Variants in AGTPBP1 observed in about 807,000 individuals in gnomAD.
AGTPBP1 encodes the protein cytosolic carboxypeptidase 1.
AGTPBP1 carries 70 observed loss-of-function variants against 143.9 expected under a neutral mutation model. That is an observed-to-expected ratio of 0.49 (90% CI 0.40 to 0.59). AGTPBP1 has a LOEUF of 0.59. Among genes scored for constraint, AGTPBP1 ranks in the 20% least tolerant of loss-of-function variants. AGTPBP1 has a pLI of 0.00. For synonymous variants in AGTPBP1, 463 were observed against 500.2 expected (o/e 0.93, Z 0.99); for missense variants, 1,229 against 1,464.5 (o/e 0.84, Z 2.62).
chr9:85,801,426 AGGG>A, the AGTPBP1 span, among the ~76,000 whole-genome samples: 2 of 152,210 alleles, frequency 1.3e-5, no homozygotes, highest in Non-Finnish European at 2.9e-5. Context: ...CATGTAAAAC[AGGG>A]TATCTAGCTC....
chr9:85,697,501 G>T, intron 2 of AGTPBP1, among the ~76,000 whole-genome samples: 2 of 121,792 alleles, frequency 1.6e-5, no homozygotes, highest in Admixed American at 1.1e-4. Context: ...CGCCCAGGCT[G>T]GAGTGCAGTG....
chr9:85,575,533 G>C, intron 24 of AGTPBP1, 58 bp from the exon 25 acceptor site: 2 of 1,385,804 alleles, frequency 1.4e-6, no homozygotes, highest in Non-Finnish European at 1.9e-6. Flanking sequence ...TCTGGATACA[G>C]CTCAATGAAA....
chr9:85,787,691 C>T, the AGTPBP1 span, among the ~76,000 whole-genome samples: 1 of 152,066 alleles, frequency 6.6e-6, no homozygotes. Flanking sequence ...ATTGTAATGA[C>T]CTGAGGAATT....
At chr9:85,739,511 C>A (rs1358328441) in intron 1 of AGTPBP1, among the ~76,000 whole-genome samples, 1 of 151,978 alleles carries the variant, frequency 6.6e-6, no homozygotes, top group Non-Finnish European at 1.5e-5. Context: ...GAGTTCAAGA[C>A]GAGCTTGGGT....
At chr9:85,654,656 A>C (rs1833380121) in intron 11 of AGTPBP1, among the ~76,000 whole-genome samples, 1 of 152,270 alleles carries the variant, frequency 6.6e-6, no homozygotes, top group Middle Eastern at 3.4e-3. Context: ...CAGACTGGCC[A>C]ACATGGCGAA....
chr9:85,547,760 A>T (rs886387450), intron 25 of AGTPBP1, among the ~76,000 whole-genome samples: 2 of 152,228 alleles, frequency 1.3e-5, no homozygotes, highest in African/African-American at 2.4e-5. Flanking sequence ...CCATAAAAAC[A>T]GCCCATATAC....
chr9:85,654,471 T>A (rs1833367134), intron 11 of AGTPBP1, among the ~76,000 whole-genome samples: 1 of 152,082 alleles, frequency 6.6e-6, no homozygotes, highest in Admixed American at 6.6e-5. Context: ...AGAAAAAAAA[T>A]CACTGAAAAG....
chr9:85,611,668 T>A (rs1200299379), intron 17 of AGTPBP1, among the ~76,000 whole-genome samples: 1 of 152,160 alleles, frequency 6.6e-6, no homozygotes, highest in East Asian at 1.9e-4. Flanking sequence ...AATAGATGTA[T>A]AATATTAAAT....
intron 23 of AGTPBP1, among the ~76,000 whole-genome samples, chr9:85,580,237 C>CA (rs1239351591): frequency 0.027 from 2,399 of 88,304 alleles, 60 homozygotes; most frequent in South Asian, 0.1. Flanking sequence ...AACTCCATCT[C>CA]AAAAAAAAAA....
intron 3 of AGTPBP1, among the ~76,000 whole-genome samples, chr9:85,687,523 C>T (rs1179771698): frequency 6.6e-6 from 1 of 151,834 alleles, no homozygotes; most frequent in Non-Finnish European, 1.5e-5. Flanking sequence ...AGTATATTCT[C>T]CAGCCAAAAG....
chr9:85,734,385 C>T (rs1026834090), intron 1 of AGTPBP1, among the ~76,000 whole-genome samples: 4 of 150,594 alleles, frequency 2.7e-5, no homozygotes, highest in African/African-American at 7.3e-5. Context: ...GAAGAAGGAA[C>T]GCTTCCTACC....
chr9:85,710,853 T>C (rs1279494381), intron 2 of AGTPBP1, among the ~76,000 whole-genome samples: 1 of 152,182 alleles, frequency 6.6e-6, no homozygotes, highest in East Asian at 1.9e-4. Flanking sequence ...AGAAATAGCA[T>C]TATTTGTTTG....
intron 23 of AGTPBP1, among the ~76,000 whole-genome samples, chr9:85,582,425 C>A (rs1239457625): frequency 2.6e-5 from 4 of 152,092 alleles, no homozygotes; most frequent in African/African-American, 9.7e-5. Context: ...ACCCATAATT[C>A]CAGTACTTTG....
At chr9:85,747,114 C>T in the AGTPBP1 span, among the ~76,000 whole-genome samples, 1 of 152,162 alleles carries the variant, frequency 6.6e-6, no homozygotes, top group African/African-American at 2.4e-5. Context: ...GTCTTGGCCT[C>T]CCAAAGTATT....
rs930974948 is a variant in AGTPBP1, at chr9:85,727,198, G to A, written c.-34+14577C>T. 2.6e-5 allele frequency among the ~76,000 whole-genome samples: 4 copies of A among 152,024 alleles called. 1 individual carries two copies. The highest frequency in any genetic ancestry group is 1.9e-4 in the East Asian group (1 of 5,180). Reference sequence around the variant, plus strand: ...AAAAATCAGCCGGGCATGGTGGCACGCACCTGTAATCCCAGCTACTCGGGA... The same window carrying A: ...AAAAATCAGCCGGGCATGGTGGCACACACCTGTAATCCCAGCTACTCGGGA... On this transcript the variant is annotated intron_variant, in intron 1 of 25. Coordinates refer to ENST00000357081, the MANE Select transcript of AGTPBP1 (RefSeq NM_001330701.2).
the AGTPBP1 span, chr9:85,756,050 A>AT: frequency 1.1e-3 from 1,492 of 1,389,148 alleles, no homozygotes; most frequent in South Asian, 1.9e-3. Flanking sequence ...AAAACAAGTA[A>AT]TTTTTTTTTT....
At chr9:85,620,399 C>G (rs1587752444) in intron 15 of AGTPBP1, among the ~76,000 whole-genome samples, 2 of 131,082 alleles carry the variant, frequency 1.5e-5, no homozygotes, top group African/African-American at 3.0e-5. Context: ...GCCTAGGAGA[C>G]AGAGTGCATG....
At position 85,588,464 on chromosome 9, in the gene AGTPBP1, CG is replaced by C. The variant is rs780631499; in HGVS notation, c.2736del (p.Tyr912Ter). ...GGATGTACCCGAGCAGACAAGAAAA[CG>C]TAAGGGCGATTTCCTAAAGTACACA... ...EHICHFRNRP[Y>X]VFLSARVHPG... On this transcript the variant is annotated frameshift_variant, in exon 21 of 26. Coordinates refer to ENST00000357081, the MANE Select transcript of AGTPBP1 (RefSeq NM_001330701.2). LOFTEE classifies it high-confidence loss of function. The C allele has an allele frequency of 1.2e-6, 2 of 1,610,420 alleles. No homozygotes were observed. Among genetic ancestry groups the C allele is most frequent in the Non-Finnish European group, 1.7e-6 (2 of 1,178,710 alleles).
intron 3 of AGTPBP1, among the ~76,000 whole-genome samples, chr9:85,692,447 T>G (rs140485825): frequency 6.6e-6 from 1 of 151,736 alleles, no homozygotes; most frequent in African/African-American, 2.4e-5. Flanking sequence ...CTAATTTTTG[T>G]ATTTTTTAGT....
Sources: gnomAD v4.1 joint callset for allele counts (sites outside exome capture counted in the v4.1 genomes callset) on GRCh38, gnomAD v4.1.1 for gene constraint, MANE v1.5 for transcripts, NCBI Gene and HGNC (gene_info 2026-07-23, HGNC 2026-07-21) for gene names.